Variants in EFTUD2 observed in about 807,000 individuals in gnomAD.
EFTUD2 encodes the protein 116 kDa U5 small nuclear ribonucleoprotein component.
EFTUD2 carries 9 observed loss-of-function variants against 114.3 expected under a neutral mutation model. That is an observed-to-expected ratio of 0.08 (90% confidence interval 0.05 to 0.14). The LOEUF (loss-of-function observed/expected upper bound fraction) is 0.14. Among genes scored for constraint, EFTUD2 ranks in the 10% least tolerant of loss-of-function variants. The pLI is 1.00. For missense variants in EFTUD2, 765 were observed against 1,241.2 expected (o/e 0.62, Z 5.76); for synonymous variants, 449 against 462.3 (o/e 0.97, Z 0.37).
intron 8 of EFTUD2, 126 bp downstream of exon 8, chr17:44,880,428 T>C (rs1246712649): frequency 4.9e-6 from 3 of 618,064 alleles, no homozygotes; most frequent in Admixed American, 3.0e-5. Context: ...AAATGGAAAA[T>C]GGTTTCAATG....
chr17:44,853,201 A>C, intron 25 of EFTUD2, 95 bp downstream of exon 25: 14 of 1,307,314 alleles, frequency 1.1e-5, no homozygotes, highest in Non-Finnish European at 1.5e-5. Context: ...AGAGGAGGGT[A>C]GAGAAGGCCA....
At chr17:44,876,157 A>C in intron 9 of EFTUD2, 57 bp from the exon 10 acceptor site, 1 of 1,552,688 alleles carries the variant, frequency 6.4e-7, no homozygotes, top group Admixed American at 1.8e-5. Flanking sequence ...AGAAAGTTCA[A>C]AGCAGAACCA....
At chr17:44,865,151 C>T in intron 13 of EFTUD2, 86 bp from the exon 14 acceptor site, 2 of 1,542,636 alleles carry the variant, frequency 1.3e-6, no homozygotes, top group East Asian at 2.3e-5. Context: ...AAAGAAATAT[C>T]TGAAGAACTC....
At chr17:44,860,670 C>T in intron 16 of EFTUD2, 127 bp from the exon 17 acceptor site, 1 of 630,930 alleles carries the variant, frequency 1.6e-6, no homozygotes, top group Non-Finnish European at 2.7e-6. Flanking sequence ...ACAATCTTGG[C>T]TCACTGCAGC....
chr17:44,862,561 G>C (rs2050676945), intron 16 of EFTUD2, 152 bp downstream of exon 16: 1 of 645,500 alleles, frequency 1.5e-6, no homozygotes, highest in Admixed American at 3.2e-5. Context: ...GGAAGAACTT[G>C]AAGTCAATAG....
intron 3 of EFTUD2, among the ~76,000 whole-genome samples, chr17:44,885,770 G>A (rs2051159883): frequency 6.6e-6 from 1 of 152,052 alleles, no homozygotes; most frequent in African/African-American, 2.4e-5. Context: ...TTGCCAGGAG[G>A]CATCTACCAC....
At chr17:44,858,553 G>C (rs540571903) in intron 19 of EFTUD2, among the ~76,000 whole-genome samples, 8 of 152,198 alleles carry the variant, frequency 5.3e-5, no homozygotes, top group African/African-American at 1.9e-4. Flanking sequence ...TGACAGTCTA[G>C]GTTCAGGTGA....
chr17:44,881,069 A>G (rs1366658391), intron 7 of EFTUD2, among the ~76,000 whole-genome samples: 2 of 152,236 alleles, frequency 1.3e-5, no homozygotes, highest in Non-Finnish European at 2.9e-5. Flanking sequence ...AAACAAATAC[A>G]TAAATACATT....
intron 20 of EFTUD2, 27 bp downstream of exon 20, chr17:44,857,048 C>A (rs767110966): frequency 3.7e-6 from 6 of 1,602,688 alleles, no homozygotes; most frequent in South Asian, 1.1e-5. Flanking sequence ...AGGCTGCAGT[C>A]CCAGGGACAC....
At chr17:44,890,519 C>G (rs527454273) in intron 2 of EFTUD2, among the ~76,000 whole-genome samples, 77 of 151,696 alleles carry the variant, frequency 5.1e-4, no homozygotes, top group Non-Finnish European at 6.0e-4. Flanking sequence ...ACGGAGAAAC[C>G]CCATCTCTAC....
In EFTUD2 at chr17:44,850,554, C is replaced by T; in HGVS notation, c.*720G>A. 2 of 571,688 alleles carry T rather than the reference C, an allele frequency of 3.5e-6. No homozygotes were observed. The highest frequency in any genetic ancestry group is 5.7e-5 in the East Asian group (2 of 35,088). 35.4% of individuals were successfully genotyped at this position (571,688 alleles called of 1,614,324 possible). On this transcript the variant is annotated 3_prime_UTR_variant, in exon 28 of 28. Coordinates refer to ENST00000426333, the MANE Select transcript of EFTUD2 (RefSeq NM_004247.4). Reference sequence around the variant, plus strand: ...TGGGGAGAGGACTTGGAGTAAATGGCTGGAAATCAAAGTGCTCTGGCCCCC... The same window carrying T: ...TGGGGAGAGGACTTGGAGTAAATGGTTGGAAATCAAAGTGCTCTGGCCCCC...
chr17:44,892,370 C>T (rs906294975), intron 2 of EFTUD2: 1 of 152,120 alleles, frequency 6.6e-6, no homozygotes, highest in African/African-American at 2.4e-5. Context: ...ACACAGATGC[C>T]TAGGACATGT....
At position 44,875,305 on chromosome 17, in the gene EFTUD2, C is replaced by T. The variant is rs1014746578; in HGVS notation, c.869+629G>A. Among the ~76,000 whole-genome samples, 6 of 151,962 alleles carry T rather than the reference C, an allele frequency of 3.9e-5. 1 individual carries two copies. Among genetic ancestry groups the T allele is most frequent in the South Asian group, 4.2e-4 (2 of 4,818 alleles). On this transcript the variant is annotated intron_variant, in intron 10 of 27. Coordinates refer to ENST00000426333, the MANE Select transcript of EFTUD2 (RefSeq NM_004247.4). The stretch of plus-strand genomic sequence containing the variant: ...CAGCACTTTGGGAGGCCGAGGTGGG[C>T]GGATCACGAGCTCAGAAGGTCAAGA...
At chr17:44,893,494 G>A (rs1233359895) in intron 2 of EFTUD2, among the ~76,000 whole-genome samples, 1 of 152,194 alleles carries the variant, frequency 6.6e-6, no homozygotes, top group Non-Finnish European at 1.5e-5. Flanking sequence ...GTAGCTGGAA[G>A]AGTTGAGTAT....
chr17:44,872,588 G>A lies in EFTUD2; in HGVS notation c.870-18C>T, dbSNP rs369642996. 2 of 1,593,244 alleles carry A rather than the reference G, an allele frequency of 1.3e-6. No individual in the cohort carries two copies. The highest frequency in any genetic ancestry group is 1.7e-6 in the Non-Finnish European group (2 of 1,168,332). On this transcript the variant is annotated intron_variant, in intron 10 of 27. Coordinates refer to ENST00000426333, the MANE Select transcript of EFTUD2 (RefSeq NM_004247.4). ...AATACATGCTGAAACAGAGACAGTG[G>A]TGAACACAGTGCCAGGCTGCAGCAG...
At chr17:44,876,964 CAGG>C (rs1446824976) in intron 9 of EFTUD2, among the ~76,000 whole-genome samples, 1 of 151,102 alleles carries the variant, frequency 6.6e-6, no homozygotes. Context: ...GAGGCCAAGG[CAGG>C]AGGATTGCTT....
rs572273947 is a variant in EFTUD2, at chr17:44,874,032, C to A, written c.870-1462G>T. Among the ~76,000 whole-genome samples, 415 of 145,752 alleles carry A rather than the reference C, an allele frequency of 2.8e-3. 1 individual carries two copies. Among genetic ancestry groups the A allele is most frequent in the Non-Finnish European group, 4.2e-3 (278 of 66,650 alleles). ...TACAGGCGTGAGCCACCGTGCCCGG[C>A]CTCTTTTTTTTTTTTTTTTTTTTTT... On this transcript the variant is annotated intron_variant, in intron 10 of 27. Coordinates refer to ENST00000426333, the MANE Select transcript of EFTUD2 (RefSeq NM_004247.4).
chr17:44,870,494 T>C (rs77379461), intron 11 of EFTUD2, among the ~76,000 whole-genome samples: 2 of 152,330 alleles, frequency 1.3e-5, no homozygotes, highest in East Asian at 3.9e-4. Flanking sequence ...AGTTGACCCT[T>C]GAATAACATG....
chr17:44,851,584 TAC>T, intron 27 of EFTUD2, 124 bp downstream of exon 27: 1 of 1,084,384 alleles, frequency 9.2e-7, no homozygotes, highest in Non-Finnish European at 1.3e-6. Context: ...CTAAGGAGTA[TAC>T]AGATCATATC....
Sources: gnomAD v4.1 joint callset for allele counts (sites outside exome capture counted in the v4.1 genomes callset) on GRCh38, gnomAD v4.1.1 for gene constraint, MANE v1.5 for transcripts, NCBI Gene and HGNC (gene_info 2026-07-23, HGNC 2026-07-21) for gene names.